CORO2B: variants seen among roughly 807,000 people sequenced by gnomAD.
CORO2B encodes the protein coronin 2B, also known as coronin-2B.
A neutral mutation model predicts 58.8 loss-of-function variants in CORO2B; 26 were observed. That is an observed-to-expected ratio of 0.44 (90% CI 0.32 to 0.61). The LOEUF is 0.61. CORO2B is among the 20% of genes least tolerant of loss of function. CORO2B has a pLI of 0.04. For synonymous variants in CORO2B, 242 were observed against 253.8 expected, an observed-to-expected ratio of 0.95 and a Z score of 0.44; for missense variants, 460 against 645.1, an observed-to-expected ratio of 0.71 and a Z score of 3.11.
intron 8 of CORO2B, among the ~76,000 whole-genome samples, chr15:68,716,395 C>T (rs1893032701): frequency 6.6e-6 from 1 of 152,224 alleles, no homozygotes; most frequent in South Asian, 2.1e-4. Flanking sequence ...CCTGGCAGAG[C>T]ACTTGACTCC....
intron 8 of CORO2B, among the ~76,000 whole-genome samples, chr15:68,717,885 C>A (rs962899594): frequency 6.6e-6 from 1 of 152,168 alleles, no homozygotes; most frequent in African/African-American, 2.4e-5. Flanking sequence ...CGGTGCCAGG[C>A]AGTTAATGAG....
chr15:68,587,475 T>C (rs1342342898), intron 1 of CORO2B, among the ~76,000 whole-genome samples: 1 of 152,194 alleles, frequency 6.6e-6, no homozygotes, highest in Non-Finnish European at 1.5e-5. Context: ...GCCAGCACTC[T>C]GCCTGTACGG....
chr15:68,570,201 C>T, the CORO2B span, among the ~76,000 whole-genome samples: 1 of 152,190 alleles, frequency 6.6e-6, no homozygotes, highest in Non-Finnish European at 1.5e-5. Flanking sequence ...CACTTACTAG[C>T]TATGTGACTG....
At chr15:68,616,957 A>C (rs1595970323) in intron 1 of CORO2B, among the ~76,000 whole-genome samples, 1 of 152,346 alleles carries the variant, frequency 6.6e-6, no homozygotes, top group East Asian at 1.9e-4. Context: ...GAAGGAACTA[A>C]AGTTTACAAA....
At chr15:68,595,955 A>G (rs1595957959) in intron 1 of CORO2B, among the ~76,000 whole-genome samples, 1 of 151,870 alleles carries the variant, frequency 6.6e-6, no homozygotes, top group Non-Finnish European at 1.5e-5. Flanking sequence ...AGCAGAGGCC[A>G]GGGCAGCGAC....
Position 68,726,932 on chromosome 15 carries a change from C to G in CORO2B, c.*958C>G, listed in dbSNP as rs1271671647. 6.6e-6 allele frequency: 1 copy of G among 152,426 alleles called. No homozygotes were observed. Among genetic ancestry groups the G allele is most frequent in the Non-Finnish European group, 1.5e-5 (1 of 68,220 alleles). 9.4% of individuals were successfully genotyped at this position (152,426 alleles called of 1,614,324 possible). A position where few individuals can be genotyped will look rare whatever the true frequency, so the allele number is the denominator to read the frequency against. ...CCAGTAGTGCCGATGTGCCACACTG[C>G]CCAGTTGAGGCCCCTCACGCTCTGT... On this transcript the variant is annotated 3_prime_UTR_variant, in exon 12 of 12. Transcript: ENST00000261861.
intron 2 of CORO2B, among the ~76,000 whole-genome samples, chr15:68,664,610 G>A (rs1455098283): frequency 6.6e-6 from 1 of 151,950 alleles, no homozygotes; most frequent in Non-Finnish European, 1.5e-5. Context: ...TTGTGCCACT[G>A]TACTCCAGCC....
At chr15:68,642,110 C>T (rs1314455811) in intron 1 of CORO2B, among the ~76,000 whole-genome samples, 1 of 148,130 alleles carries the variant, frequency 6.8e-6, no homozygotes, top group Non-Finnish European at 1.5e-5. Context: ...GATCTCGGCT[C>T]ACTGCAACCT....
rs1376732388 is a variant in CORO2B at position 68,704,031 on chromosome 15, CACACACAT to C, written c.334-6693_334-6686del. 2.7e-4 allele frequency among the ~76,000 whole-genome samples: 25 copies of C among 91,990 alleles called. No homozygotes were observed. The South Asian group carries it at 5.4e-3, about 20-fold the overall frequency. The allele number at this position is 91,990 out of a possible 152,430, so 60.3% of individuals were successfully genotyped here. A position where few individuals can be genotyped will look rare whatever the true frequency, so the allele number is the denominator to read the frequency against. ...CAATATGGCAAAAACCCTTTCTCTA[CACACACAT>C]ACACACACACACACACACACACACA... On this transcript the variant is annotated intron_variant, in intron 3 of 11. Coordinates refer to ENST00000261861, the MANE Select transcript of CORO2B (RefSeq NM_006091.5).
intron 1 of CORO2B, among the ~76,000 whole-genome samples, chr15:68,640,377 A>G (rs1247398257): frequency 2.6e-5 from 4 of 152,144 alleles, no homozygotes; most frequent in Admixed American, 2.6e-4. Context: ...AAGGCCTTAG[A>G]CCTAACTCTT....
At chr15:68,568,034 G>GAA in the CORO2B span, among the ~76,000 whole-genome samples, 1 of 152,074 alleles carries the variant, frequency 6.6e-6, no homozygotes, top group African/African-American at 2.4e-5. Context: ...GAAAAGAAAA[G>GAA]AAAAGAAATA....
At chr15:68,567,345 A>G in the CORO2B span, among the ~76,000 whole-genome samples, 1 of 152,248 alleles carries the variant, frequency 6.6e-6, no homozygotes, top group Non-Finnish European at 1.5e-5. Context: ...ATACTTAGAC[A>G]AAGAAGGATA....
chr15:68,601,359 C>G (rs747822056), intron 1 of CORO2B, among the ~76,000 whole-genome samples: 1 of 152,208 alleles, frequency 6.6e-6, no homozygotes, highest in East Asian at 1.9e-4. Flanking sequence ...GTCCCTGGGC[C>G]TCATTCAGCC....
intron 1 of CORO2B, among the ~76,000 whole-genome samples, chr15:68,621,334 C>T (rs1900510610): frequency 6.6e-6 from 1 of 152,214 alleles, no homozygotes; most frequent in South Asian, 2.1e-4. Flanking sequence ...GCAGTGCGTG[C>T]CAGCATGGAG....
intron 1 of CORO2B, among the ~76,000 whole-genome samples, chr15:68,609,663 C>T (rs952026308): frequency 1.3e-5 from 2 of 152,214 alleles, no homozygotes; most frequent in African/African-American, 4.8e-5. Flanking sequence ...CCGCTGTCCC[C>T]TCCCCACTGC....
intron 8 of CORO2B, among the ~76,000 whole-genome samples, chr15:68,718,413 G>A (rs1366405137): frequency 6.6e-6 from 1 of 152,108 alleles, no homozygotes; most frequent in Middle Eastern, 3.2e-3. Flanking sequence ...GAAAAGGAGT[G>A]GGCTAGATTC....
chr15:68,615,405 A>G (rs1372630368), intron 1 of CORO2B, among the ~76,000 whole-genome samples: 1 of 152,166 alleles, frequency 6.6e-6, no homozygotes, highest in Non-Finnish European at 1.5e-5. Flanking sequence ...GCAATCACAC[A>G]GTGGATGTTT....
intron 3 of CORO2B, among the ~76,000 whole-genome samples, chr15:68,696,915 G>T (rs115146105): frequency 6.6e-5 from 10 of 152,318 alleles, no homozygotes; most frequent in African/African-American, 2.4e-4. Flanking sequence ...CCTGGGTACC[G>T]GTCAGATTTT....
chr15:68,649,887 A>G (rs1373030083), intron 2 of CORO2B, among the ~76,000 whole-genome samples: 2 of 152,118 alleles, frequency 1.3e-5, no homozygotes, highest in African/African-American at 2.4e-5. Flanking sequence ...CACTCAAGAG[A>G]GAGAATGAGA....
Sources: gnomAD v4.1 joint callset for allele counts (sites outside exome capture counted in the v4.1 genomes callset) on GRCh38, gnomAD v4.1.1 for gene constraint, MANE v1.5 for transcripts, NCBI Gene and HGNC (gene_info 2026-07-23, HGNC 2026-07-21) for gene names.